Variants in LIFR observed in about 807,000 individuals in gnomAD.
LIFR encodes the protein LIF receptor subunit alpha.
In LIFR, 84 loss-of-function variants were observed where a neutral mutation model predicts 122.2. That is an observed-to-expected ratio of 0.69 (90% confidence interval 0.58 to 0.82). LIFR has a LOEUF of 0.82. Among genes scored for constraint, LIFR ranks in the 40% least tolerant of loss-of-function variants. The pLI, the probability that LIFR is intolerant of heterozygous loss-of-function variation, is 0.00. For missense variants in LIFR, 1,294 were observed against 1,311.6 expected (o/e 0.99, Z 0.21); for synonymous variants, 422 against 434.7 (o/e 0.97, Z 0.36).
chr5:38,573,886 A>T (rs547676807), intron 1 of LIFR, among the ~76,000 whole-genome samples: 18 of 152,238 alleles, frequency 1.2e-4, no homozygotes, highest in East Asian at 1.2e-3. Flanking sequence ...TGGGAGCCTG[A>T]GGGGTATAGA....
At chr5:38,550,674 A>G (rs780753988) in intron 1 of LIFR, among the ~76,000 whole-genome samples, 8 of 152,236 alleles carry the variant, frequency 5.3e-5, no homozygotes, top group Non-Finnish European at 1.0e-4. Flanking sequence ...TCTACTATAG[A>G]CTAGGCACTG....
intron 1 of LIFR, among the ~76,000 whole-genome samples, chr5:38,568,961 A>G (rs990870472): frequency 6.6e-6 from 1 of 152,190 alleles, no homozygotes; most frequent in Admixed American, 6.5e-5. Flanking sequence ...CTGTGGTGAG[A>G]GGTAGGGGCC....
At chr5:38,498,319 G>T (rs1188799109) in intron 12 of LIFR, among the ~76,000 whole-genome samples, 2 of 152,168 alleles carry the variant, frequency 1.3e-5, no homozygotes, top group East Asian at 1.9e-4. Flanking sequence ...CTCCTCTGCT[G>T]GTTCCTCCTC....
upstream of LIFR, among the ~76,000 whole-genome samples, chr5:38,596,859 T>C (rs1302941128): frequency 2.6e-5 from 4 of 152,118 alleles, no homozygotes; most frequent in African/African-American, 9.7e-5. Context: ...ACCTTGGGCT[T>C]CAAAATGCAA....
At chr5:38,504,415 C>CAAAAAA (rs71604899) in intron 9 of LIFR, among the ~76,000 whole-genome samples, 35,974 of 119,386 alleles carry the variant, frequency 0.3, 5,275 homozygotes, top group East Asian at 0.39. Flanking sequence ...AGGGAATGAC[C>CAAAAAA]AAAAAAAAAA....
chr5:38,497,111 C>T (rs989000417), intron 12 of LIFR, among the ~76,000 whole-genome samples: 1 of 152,170 alleles, frequency 6.6e-6, no homozygotes, highest in African/African-American at 2.4e-5. Flanking sequence ...GCCTGCCAAA[C>T]ATGACAAACA....
chr5:38,503,208 T>C (rs765047963), intron 10 of LIFR, among the ~76,000 whole-genome samples: 2 of 152,216 alleles, frequency 1.3e-5, no homozygotes, highest in African/African-American at 2.4e-5. Flanking sequence ...ATTTGGATGA[T>C]ATTTGGAAGT....
rs759458908 is a variant in LIFR, at chr5:38,479,627, T to G, written c.*1968A>C. ...CACACTTATCCTTGTCCTGGAGAGA[T>G]AAAGTACGGGATTGATACATTTCAA... On this transcript the variant is annotated 3_prime_UTR_variant, in exon 20 of 20. Transcript: ENST00000453190. The G allele has an allele frequency of 6.5e-5, 15 of 230,338 alleles. No homozygotes were observed. Among genetic ancestry groups the G allele is most frequent in the South Asian group, 5.5e-4 (3 of 5,490 alleles). The allele number at this position is 230,338 out of a possible 1,614,324, so 14.3% of individuals were successfully genotyped here. A position where few individuals can be genotyped will look rare whatever the true frequency, so the allele number is the denominator to read the frequency against.
intron 7 of LIFR, 34 bp from the exon 8 acceptor site, chr5:38,506,666 C>T (rs1561155698): frequency 1.3e-6 from 2 of 1,570,332 alleles, no homozygotes; most frequent in African/African-American, 2.7e-5. Context: ...CTTATGATTA[C>T]ATATATTTTC....
chr5:38,525,730 T>C (rs940900436), intron 4 of LIFR, among the ~76,000 whole-genome samples: 7 of 152,080 alleles, frequency 4.6e-5, no homozygotes, highest in Non-Finnish European at 5.9e-5. Context: ...AGGCAAGAAG[T>C]TGATTTAGTG....
At chr5:38,524,729 G>A (rs907834678) in intron 4 of LIFR, among the ~76,000 whole-genome samples, 1 of 152,134 alleles carries the variant, frequency 6.6e-6, no homozygotes, top group Non-Finnish European at 1.5e-5. Flanking sequence ...AACTGATTGA[G>A]TGTAGTGGTA....
chr5:38,511,810 C>G lies in LIFR; in HGVS notation c.716G>C (p.Ser239Thr), dbSNP rs1745818453. ...CTTACAAGAAATGTTCTTCACAGGG[C>G]TCCAGTCACTCCACTCTTCGAGACC... ...FSGLEEWSDW[S>T]PVKNISWIPD... Residue 239 changes from serine (S) to threonine (T), a missense_variant, in exon 6 of 20, where the codon AGC becomes ACC. Ser to Thr is a moderately conservative substitution (Grantham distance 58, BLOSUM62 1). Transcript: ENST00000453190. 6.2e-7 allele frequency: 1 copy of G among 1,613,866 alleles called. No individual in the cohort carries two copies.
At chr5:38,592,693 C>T (rs1334665134) in intron 1 of LIFR, among the ~76,000 whole-genome samples, 1 of 150,844 alleles carries the variant, frequency 6.6e-6, no homozygotes, top group Non-Finnish European at 1.5e-5. Context: ...GAGACGGCAC[C>T]ATATGTGCAC....
At chr5:38,603,083 T>C (rs937199816) in intron 2 of LIFR, among the ~76,000 whole-genome samples, 2 of 152,138 alleles carry the variant, frequency 1.3e-5, no homozygotes, top group African/African-American at 4.8e-5. Context: ...AGAATCACCC[T>C]AAGGGAAAAG....
chr5:38,533,980 G>A (rs1039211444), intron 1 of LIFR, among the ~76,000 whole-genome samples: 2 of 152,142 alleles, frequency 1.3e-5, no homozygotes, highest in Non-Finnish European at 2.9e-5. Context: ...TGGAACACTC[G>A]AGGGAGAAAA....
chr5:38,505,401 TACACAC>T (rs58882043), intron 9 of LIFR, among the ~76,000 whole-genome samples: 42,156 of 139,234 alleles, frequency 0.3, 6,030 homozygotes, highest in African/African-American at 0.33. Context: ...TGCATAGAAC[TACACAC>T]ACACACACAC....
At chr5:38,535,208 G>T (rs1747231001) in intron 1 of LIFR, among the ~76,000 whole-genome samples, 1 of 152,140 alleles carries the variant, frequency 6.6e-6, no homozygotes, top group African/African-American at 2.4e-5. Flanking sequence ...CCATTCCACA[G>T]CTGCCAGACC....
intron 1 of LIFR, among the ~76,000 whole-genome samples, chr5:38,561,822 A>AT (rs1313769100): frequency 3.3e-5 from 5 of 152,256 alleles, no homozygotes; most frequent in Non-Finnish European, 7.4e-5. Context: ...TAAAGCAGTC[A>AT]TTTTCCCTTT....
chr5:38,529,311 G>A (rs549152288), intron 2 of LIFR, among the ~76,000 whole-genome samples: 4 of 152,164 alleles, frequency 2.6e-5, no homozygotes, highest in African/African-American at 9.6e-5. Flanking sequence ...TAAAAATGAT[G>A]TGCCTTCCAA....
Sources: gnomAD v4.1 joint callset for allele counts (sites outside exome capture counted in the v4.1 genomes callset) on GRCh38, gnomAD v4.1.1 for gene constraint, MANE v1.5 for transcripts, NCBI Gene and HGNC (gene_info 2026-07-23, HGNC 2026-07-21) for gene names.